SCARA3: variants seen among roughly 807,000 people sequenced by gnomAD.
SCARA3 encodes scavenger receptor class A member 3, also known as cellular stress response gene protein.
Under a neutral mutation model 47.0 loss-of-function variants are expected in SCARA3, and 39 were observed. The observed-to-expected ratio is 0.83, with a 90% CI of 0.64 to 1.08. The LOEUF is 1.08. SCARA3 is among the 50% of genes least tolerant of loss of function. SCARA3 has a pLI of 0.00. For synonymous variants in SCARA3, 356 were observed against 334.1 expected (o/e 1.07, Z -0.71); for missense variants, 724 against 792.3 (o/e 0.91, Z 1.04).
the SCARA3 span, among the ~76,000 whole-genome samples, chr8:27,731,641 CAAAAA>C: frequency 3.1e-4 from 31 of 100,026 alleles, no homozygotes; most frequent in East Asian, 3.9e-3. Flanking sequence ...GACTCTGTCT[CAAAAA>C]AAAAAAAAAA....
rs61545866 is a variant in SCARA3 at position 27,653,570 on chromosome 8, C to CGTGTGT, written c.226+1968_226+1973dup. On this transcript the variant is annotated intron_variant, in intron 3 of 5. Coordinates refer to ENST00000301904, the MANE Select transcript of SCARA3 (RefSeq NM_016240.3). ...AAAGAATGATTATAGATTTGTAAAG[C>CGTGTGT]GTGTGTGTGTGTGTGTGTGTGTGTG... Among the ~76,000 whole-genome samples the CGTGTGT allele has an allele frequency of 9.7e-3, 1,402 of 145,188 alleles. 11 individuals are homozygous for CGTGTGT. Among genetic ancestry groups the CGTGTGT allele is most frequent in the Non-Finnish European group, 0.013 (833 of 65,944 alleles).
upstream of SCARA3, chr8:27,633,847 G>A (rs1478412636): frequency 6.5e-6 from 1 of 153,626 alleles, no homozygotes; most frequent in African/African-American, 2.4e-5. Flanking sequence ...GAGAGGGAGA[G>A]GAGAAGGCGG....
chr8:27,645,518 C>G (rs137857634), intron 1 of SCARA3, among the ~76,000 whole-genome samples: 1 of 152,252 alleles, frequency 6.6e-6, no homozygotes, highest in Non-Finnish European at 1.5e-5. Context: ...TGCAGACACT[C>G]AAATGCGTGT....
At chr8:27,728,844 A>C in the SCARA3 span, among the ~76,000 whole-genome samples, 1 of 152,026 alleles carries the variant, frequency 6.6e-6, no homozygotes, top group Admixed American at 6.5e-5. Flanking sequence ...GGCAACATGG[A>C]GGGGGCCCCA....
intron 1 of SCARA3, among the ~76,000 whole-genome samples, chr8:27,640,032 G>A (rs959575854): frequency 3.9e-5 from 6 of 152,118 alleles, no homozygotes; most frequent in African/African-American, 1.4e-4. Flanking sequence ...CTCATTGGGA[G>A]GGGGAGGGAC....
the SCARA3 span, among the ~76,000 whole-genome samples, chr8:27,696,642 A>G: frequency 2.4e-4 from 34 of 143,552 alleles, no homozygotes. Context: ...TTGTAGAGAC[A>G]GAGTCTCACT....
chr8:27,720,725 C>T, the SCARA3 span, among the ~76,000 whole-genome samples: 1 of 151,856 alleles, frequency 6.6e-6, no homozygotes, highest in South Asian at 2.1e-4. Flanking sequence ...TCCATCCATT[C>T]ACCTATTTAT....
chr8:27,727,615 C>T, the SCARA3 span, among the ~76,000 whole-genome samples: 2 of 152,214 alleles, frequency 1.3e-5, no homozygotes, highest in African/African-American at 4.8e-5. Flanking sequence ...CCAGAGCTCT[C>T]CAGAGCCCTT....
At chr8:27,639,286 A>G (rs1416625047) in intron 1 of SCARA3, among the ~76,000 whole-genome samples, 1 of 152,196 alleles carries the variant, frequency 6.6e-6, no homozygotes, top group African/African-American at 2.4e-5. Context: ...AGACGTGCAC[A>G]CCTGAGACGA....
the SCARA3 span, among the ~76,000 whole-genome samples, chr8:27,717,697 A>G: frequency 2.0e-5 from 3 of 152,162 alleles, no homozygotes; most frequent in Non-Finnish European, 4.4e-5. Context: ...AGGCAGGATA[A>G]TCGCTTGAAC....
intron 1 of SCARA3, among the ~76,000 whole-genome samples, chr8:27,635,188 G>A (rs1455010563): frequency 6.6e-6 from 1 of 152,132 alleles, no homozygotes; most frequent in African/African-American, 2.4e-5. Flanking sequence ...GGAAGAGGTG[G>A]GGCCAGAGCT....
At chr8:27,638,571 C>A (rs1433096791) in intron 1 of SCARA3, among the ~76,000 whole-genome samples, 1 of 152,078 alleles carries the variant, frequency 6.6e-6, no homozygotes, top group Admixed American at 6.5e-5. Context: ...CTGTACTGTA[C>A]CATGGTATCG....
At chr8:27,640,739 CA>C (rs1232817270) in intron 1 of SCARA3, among the ~76,000 whole-genome samples, 1 of 152,066 alleles carries the variant, frequency 6.6e-6, no homozygotes. Context: ...CTCTGTTGCC[CA>C]AGCTGGAGGG....
rs1202838152 is a variant in SCARA3 at position 27,658,984 on chromosome 8, A to G, written c.814A>G (p.Thr272Ala). The G allele has an allele frequency of 1.9e-6, 3 of 1,613,862 alleles. No homozygotes were observed. The highest frequency in any genetic ancestry group is 2.5e-6 in the Non-Finnish European group (3 of 1,179,978). ...CGGCCTGCGCACCACCTCCACCAAG[A>G]CTGGAGAGGCGGTCAAGAACATCCA... ...FSGLRTTSTKTGEAVKNIQAT... is the reference protein window; with the variant it reads ...FSGLRTTSTKAGEAVKNIQAT... Residue 272 changes from threonine to alanine, a missense_variant, in exon 5 of 6, where the codon ACT (threonine) becomes GCT (alanine). Physicochemically the swap from Thr to Ala is moderately conservative, Grantham distance 58 (BLOSUM62 0). Transcript: ENST00000301904.
At position 27,672,529 on chromosome 8, in the gene SCARA3, C is replaced by T. The variant is rs1802191429; in HGVS notation, c.*1178C>T. On this transcript the variant is annotated 3_prime_UTR_variant, in exon 6 of 6. Transcript: ENST00000301904. Reference sequence around the variant, plus strand: ...CAGCTCTCGCCTCCCGCACACGGCTCTCCTGATCACAGCTGCATGCCGACC... The same window carrying T: ...CAGCTCTCGCCTCCCGCACACGGCTTTCCTGATCACAGCTGCATGCCGACC... 1 of 985,778 alleles carries T rather than the reference C, an allele frequency of 1.0e-6. No homozygotes were observed. The highest frequency in any genetic ancestry group is 1.2e-6 in the Non-Finnish European group (1 of 830,188). 61.1% of individuals were successfully genotyped at this position (985,778 alleles called of 1,614,324 possible).
At chr8:27,674,138 T>A (rs1245827903), downstream of SCARA3, among the ~76,000 whole-genome samples, 2 of 152,220 alleles carry the variant, frequency 1.3e-5, no homozygotes, top group African/African-American at 4.8e-5. Flanking sequence ...TTAGTATTAA[T>A]GTGGCCCTTT....
chr8:27,710,074 C>CA, the SCARA3 span, among the ~76,000 whole-genome samples: 6 of 152,076 alleles, frequency 3.9e-5, no homozygotes, highest in East Asian at 9.7e-4. Flanking sequence ...ACTACAAATA[C>CA]AAAAAATTAG....
the SCARA3 span, among the ~76,000 whole-genome samples, chr8:27,693,995 T>G: frequency 1.3e-5 from 2 of 152,332 alleles, no homozygotes; most frequent in Admixed American, 6.5e-5. Flanking sequence ...CCAACCACTT[T>G]GGGCACAAGT....
chr8:27,652,398 T>G (rs2128918844), intron 3 of SCARA3, among the ~76,000 whole-genome samples: 1 of 152,344 alleles, frequency 6.6e-6, no homozygotes, highest in South Asian at 2.1e-4. Flanking sequence ...CATTCCACTC[T>G]TAGCTTCAAA....
Sources: gnomAD v4.1 joint callset for allele counts (sites outside exome capture counted in the v4.1 genomes callset) on GRCh38, gnomAD v4.1.1 for gene constraint, MANE v1.5 for transcripts, NCBI Gene and HGNC (gene_info 2026-07-23, HGNC 2026-07-21) for gene names.